Variants in CC2D1A observed in about 807,000 individuals in gnomAD.
CC2D1A encodes coiled-coil and C2 domain-containing protein 1A.
Under a neutral mutation model 123.8 loss-of-function variants are expected in CC2D1A, and 68 were observed. The ratio of observed to expected loss-of-function variants is 0.55; its 90% CI spans 0.45 to 0.67. The LOEUF is 0.67. Ranked by LOEUF, CC2D1A falls within the 30% of genes least tolerant of loss-of-function variation. The probability of loss-of-function intolerance (pLI) is 0.00; values close to 1 mark genes in which losing one functional copy is unlikely to be tolerated. For missense variants in CC2D1A, 1,185 were observed against 1,290.3 expected (o/e 0.92, Z 1.25); for synonymous variants, 477 against 528.0 (o/e 0.90, Z 1.32).
chr19:13,926,072 A>G (rs1231296890), intron 17 of CC2D1A, among the ~76,000 whole-genome samples: 1 of 133,802 alleles, frequency 7.5e-6, no homozygotes, highest in Non-Finnish European at 1.5e-5. Context: ...ATATACACAC[A>G]CACACACACA....
Position 13,926,867 on chromosome 19 carries a change from C to G in CC2D1A, c.2120C>G (p.Ser707Cys). 6.2e-7 allele frequency: 1 copy of G among 1,614,058 alleles called. No individual in the cohort carries two copies. Among genetic ancestry groups the G allele is most frequent in the Non-Finnish European group, 8.5e-7 (1 of 1,179,966 alleles). ...ACCAGTGTGATCAAGAACACAGACT[C>G]CCCTGGTGAGCCTCGGCTGGAAGCA... The part of the protein sequence containing the change: ...DKTSVIKNTD[S>C]PEFKEQFKLC... The change falls in exon 20 of 29, where the codon TCC becomes TGC. Residue 707 changes from serine (S) to cysteine (C), a missense_variant. Ser to Cys is a moderately radical substitution (Grantham distance 112, BLOSUM62 -1). Coordinates refer to ENST00000318003, the MANE Select transcript of CC2D1A (RefSeq NM_017721.5).
At chr19:13,925,933 A>AAAATATATATATAT (rs1315518981) in intron 17 of CC2D1A, among the ~76,000 whole-genome samples, 3 of 91,042 alleles carry the variant, frequency 3.3e-5, no homozygotes, top group African/African-American at 2.0e-4. Context: ...AAAAAAAAAA[A>AAAATATATATATAT]ATATATATAT....
intron 9 of CC2D1A, 43 bp downstream of exon 9, chr19:13,918,860 A>G: frequency 1.2e-6 from 2 of 1,610,274 alleles, no homozygotes; most frequent in South Asian, 2.2e-5. Context: ...GGCTGGAGCC[A>G]GACTGTCTAC....
In CC2D1A at chr19:13,920,755, C is replaced by T; in HGVS notation, c.1474C>T (p.Gln492Ter). Residue 492 changes from glutamine to a stop codon, truncating the protein, a stop_gained, in exon 14 of 29, where the codon CAG (glutamine) becomes TAG (stop). Transcript: ENST00000318003. LOFTEE classifies it high-confidence loss of function. ...AGCAGCTCCTATGCCCACAGCCCAG[C>T]AGCAGCTGGCCTTCCTAGAGGGCCG... ...PPKATSTRAQ[Q>*]QLAFLEGRKK... is the part of the protein sequence containing the mutation. 6.2e-7 allele frequency: 1 copy of T among 1,613,172 alleles called. No individual in the cohort carries two copies. The highest frequency in any genetic ancestry group is 8.5e-7 in the Non-Finnish European group (1 of 1,179,458).
In CC2D1A at chr19:13,919,917, G is replaced by T. The variant is rs749470672; in HGVS notation, c.1322G>T (p.Gly441Val). 1.7e-5 allele frequency: 27 copies of T among 1,613,170 alleles called. No individual in the cohort carries two copies. The highest frequency in any genetic ancestry group is 1.8e-4 in the Middle Eastern group (1 of 5,684). The change falls in exon 12 of 29, where the codon GGC becomes GTC. Residue 441 changes from glycine (G) to valine (V), a missense_variant. Physicochemically the swap from Gly to Val is moderately radical, Grantham distance 109. Transcript: ENST00000318003. Reference sequence around the variant, plus strand: ...ATGAAGCTGGCCAACCAGGATGAAGGCCCAGAGGATGAAGAGGATGAGGTG... The same window carrying T: ...ATGAAGCTGGCCAACCAGGATGAAGTCCCAGAGGATGAAGAGGATGAGGTG... ...TAMKLANQDE[G>V]PEDEEDEVPK...
chr19:13,927,221 C>G lies in CC2D1A; in HGVS notation c.2272C>G (p.Leu758Val). 1 of 1,614,098 alleles carries G rather than the reference C, an allele frequency of 6.2e-7. No homozygotes were observed. The highest frequency in any genetic ancestry group is 8.5e-7 in the Non-Finnish European group (1 of 1,180,030). ...GGTGCTGGGGACAGCCCAGCTGAAG[C>G]TGGATGCACTGGAGATAGCATGTGA... ...DRVLGTAQLK[L>V]DALEIACEVR... The change falls in exon 22 of 29, where the codon CTG becomes GTG. Residue 758 changes from leucine (L) to valine (V), a missense_variant. Coordinates refer to ENST00000318003, the MANE Select transcript of CC2D1A (RefSeq NM_017721.5).
chr19:13,907,713 T>A (rs1667771686), intron 1 of CC2D1A, among the ~76,000 whole-genome samples: 1 of 151,740 alleles, frequency 6.6e-6, no homozygotes, highest in Non-Finnish European at 1.5e-5. Context: ...AATAAATAAA[T>A]AAAAAATTAA....
rs1198218381 is a variant in CC2D1A, at chr19:13,921,514, A to G, written c.1641+592A>G. ...AGTGGGGATGGCCACCCCTGCCTCA[A>G]AGAAAGACAGCCAGGATTCCTCATG... On this transcript the variant is annotated intron_variant, in intron 14 of 28. Coordinates refer to ENST00000318003, the MANE Select transcript of CC2D1A (RefSeq NM_017721.5). Among the ~76,000 whole-genome samples, 3 of 152,242 alleles carry G rather than the reference A, an allele frequency of 2.0e-5. No individual in the cohort carries two copies. The East Asian group carries it at 5.8e-4, about 29-fold the overall frequency.
In CC2D1A at chr19:13,930,449, G is replaced by A. The variant is rs1971868097; in HGVS notation, c.*54G>A. Reference sequence around the variant, plus strand: ...AAGCGGGCAGCAGGCCCCGATACCGGGAAGAGCCGACACAGCCACGAACCA... The same window carrying A: ...AAGCGGGCAGCAGGCCCCGATACCGAGAAGAGCCGACACAGCCACGAACCA... On this transcript the variant is annotated 3_prime_UTR_variant, in exon 29 of 29. Transcript: ENST00000318003. The surrounding 1 kb of genome is among the most constrained non-coding windows in gnomAD (Gnocchi z 6.8). 1.3e-6 allele frequency: 2 copies of A among 1,536,286 alleles called. No homozygotes were observed. The highest frequency in any genetic ancestry group is 4.6e-5 in the East Asian group (2 of 43,210).
In CC2D1A at chr19:13,930,160, C is replaced by T. The variant is rs756380412; in HGVS notation, c.2787+6C>T. 6.2e-6 allele frequency: 10 copies of T among 1,613,140 alleles called. No individual in the cohort carries two copies. Among genetic ancestry groups the T allele is most frequent in the Admixed American group, 5.0e-5 (3 of 59,964 alleles). On this transcript the variant is annotated splice_donor_region_variant and intron_variant, in intron 27 of 28. Transcript: ENST00000318003. This position sits in a 1 kb window ranked among gnomAD's most constrained non-coding sequence, Gnocchi z 6.8. Reference sequence around the variant, plus strand: ...TGGGCAACGATGGCAGCAGGGTGAGCTGGTCGCGGGCCGGGTGGGCACTGG... The same window carrying T: ...TGGGCAACGATGGCAGCAGGGTGAGTTGGTCGCGGGCCGGGTGGGCACTGG...
chr19:13,930,457 C>T lies in CC2D1A; in HGVS notation c.*62C>T, dbSNP rs550949493. ...AGCAGGCCCCGATACCGGGAAGAGCCGACACAGCCACGAACCAGACAAGCA... is the reference window on the plus strand; with the variant it reads ...AGCAGGCCCCGATACCGGGAAGAGCTGACACAGCCACGAACCAGACAAGCA... On this transcript the variant is annotated 3_prime_UTR_variant, in exon 29 of 29. Coordinates refer to ENST00000318003, the MANE Select transcript of CC2D1A (RefSeq NM_017721.5). The surrounding 1 kb of genome is among the most constrained non-coding windows in gnomAD (Gnocchi z 6.8). 2.9e-5 allele frequency: 44 copies of T among 1,509,574 alleles called. No homozygotes were observed. Among genetic ancestry groups the T allele is most frequent in the South Asian group, 2.9e-4 (23 of 79,246 alleles). 93.5% of individuals were successfully genotyped at this position (1,509,574 alleles called of 1,614,324 possible). A position where few individuals can be genotyped will look rare whatever the true frequency, so the allele number is the denominator to read the frequency against.
chr19:13,909,524 C>T (rs1053384593), intron 1 of CC2D1A, among the ~76,000 whole-genome samples: 2 of 152,114 alleles, frequency 1.3e-5, no homozygotes, highest in Non-Finnish European at 2.9e-5. Context: ...TGAGCCACTG[C>T]GCCCAGCCAG....
At chr19:13,920,354 G>A (rs1291887661) in intron 12 of CC2D1A, 6 of 577,382 alleles carry the variant, frequency 1.0e-5, no homozygotes, top group African/African-American at 2.0e-5. Context: ...CAGCCTGGAC[G>A]ATACAGTGAT....
rs201251295 is a variant in CC2D1A at position 13,926,700 on chromosome 19, G to A, written c.2048G>A (p.Arg683Gln). The part of the protein sequence containing the change: ...LSPGDLDVFV[R>Q]FDFPYPNVEE... ...CCTGGCGATCTGGATGTCTTTGTTC[G>A]GTTTGACTTCCCCTATCCCAACGTG... Residue 683 changes from arginine (R) to glutamine (Q), a missense_variant, in exon 19 of 29, where the codon CGG becomes CAG. Arg to Gln is a conservative substitution (Grantham distance 43). Transcript: ENST00000318003. 1,300 of 1,614,158 alleles carry A rather than the reference G, an allele frequency of 8.1e-4. 3 individuals are homozygous for A. Among genetic ancestry groups the A allele is most frequent in the South Asian group, 1.5e-3 (137 of 91,088 alleles).
At position 13,913,165 on chromosome 19, in the gene CC2D1A, C is replaced by A. The variant is rs761326201; in HGVS notation, c.379-3C>A. ...CCCACACTGTGCCCCTGCCCTCCCA[C>A]AGCCGAAGCCTGAGGCCCCTCATCC... On this transcript the variant is annotated splice_region_variant and splice_polypyrimidine_tract_variant and intron_variant, in intron 4 of 28. Coordinates refer to ENST00000318003, the MANE Select transcript of CC2D1A (RefSeq NM_017721.5). 2 of 1,602,764 alleles carry A rather than the reference C, an allele frequency of 1.2e-6. No individual in the cohort carries two copies. The highest frequency in any genetic ancestry group is 1.7e-6 in the Non-Finnish European group (2 of 1,175,498).
At chr19:13,911,856 C>T (rs890188660) in intron 2 of CC2D1A, among the ~76,000 whole-genome samples, 3 of 152,032 alleles carry the variant, frequency 2.0e-5, no homozygotes, top group African/African-American at 7.2e-5. Flanking sequence ...GCTGGGACCA[C>T]AGGCGCCCGC....
chr19:13,915,588 T>C (rs1475749344), intron 6 of CC2D1A, among the ~76,000 whole-genome samples: 1 of 152,076 alleles, frequency 6.6e-6, no homozygotes, highest in Non-Finnish European at 1.5e-5. Context: ...ATGTAGTGGC[T>C]CATGCCTGTA....
At chr19:13,927,467 C>T in intron 22 of CC2D1A, 1 of 584,824 alleles carries the variant, frequency 1.7e-6, no homozygotes, top group South Asian at 2.0e-5. Flanking sequence ...CTCAGCCATA[C>T]CATGGGCTCA....
intron 6 of CC2D1A, among the ~76,000 whole-genome samples, chr19:13,916,393 C>T (rs933500083): frequency 1.3e-5 from 2 of 151,756 alleles, no homozygotes; most frequent in African/African-American, 2.4e-5. Flanking sequence ...AGGGAAACTG[C>T]GTCTCTATAA....
Sources: gnomAD v4.1 joint callset for allele counts (sites outside exome capture counted in the v4.1 genomes callset) on GRCh38, gnomAD v4.1.1 for gene constraint, Gnocchi (gnomAD v3.1) non-coding constraint, MANE v1.5 for transcripts, NCBI Gene and HGNC (gene_info 2026-07-23, HGNC 2026-07-21) for gene names.